The following NCALD variants were observed in gnomAD, a reference collection of about 807,000 sequenced individuals.
NCALD encodes neurocalcin-delta.
A neutral mutation model predicts 18.6 loss-of-function variants in NCALD; 10 were observed. That is an observed-to-expected ratio of 0.54 (90% CI 0.33 to 0.91). NCALD has a LOEUF of 0.91. Among genes scored for constraint, NCALD ranks in the 40% least tolerant of loss-of-function variants. The pLI is 0.03. For missense variants in NCALD, 184 were observed against 247.6 expected, an observed-to-expected ratio of 0.74 and a Z score of 1.72; for synonymous variants, 88 against 87.4, an observed-to-expected ratio of 1.01 and a Z score of -0.04.
chr8:101,777,978 T>C (rs113328753), intron 1 of NCALD, among the ~76,000 whole-genome samples: 4,417 of 152,312 alleles, frequency 0.029, 215 homozygotes, highest in African/African-American at 0.1. Context: ...AATTCAGGTC[T>C]GGAGCCATAG....
At chr8:101,698,035 C>T (rs181935703) in intron 2 of NCALD, among the ~76,000 whole-genome samples, 51 of 152,206 alleles carry the variant, frequency 3.4e-4, no homozygotes, top group Non-Finnish European at 4.4e-5. Context: ...TTTAGAAAAC[C>T]CCATCATCTC....
At chr8:101,979,698 T>C (rs1221641337) in intron 2 of NCALD, among the ~76,000 whole-genome samples, 1 of 152,206 alleles carries the variant, frequency 6.6e-6, no homozygotes, top group Non-Finnish European at 1.5e-5. Context: ...CCTTTCAGAA[T>C]GCTGAAAGAA....
intron 3 of NCALD, among the ~76,000 whole-genome samples, chr8:101,905,894 A>G (rs1291461649): frequency 6.6e-6 from 1 of 152,202 alleles, no homozygotes; most frequent in Non-Finnish European, 1.5e-5. Context: ...GGAGATTCAT[A>G]CAGTTTCTGC....
intron 2 of NCALD, among the ~76,000 whole-genome samples, chr8:101,929,489 GGGAAA>G (rs1203339877): frequency 2.4e-4 from 12 of 50,504 alleles, no homozygotes; most frequent in Non-Finnish European, 2.7e-4. Flanking sequence ...AAGGGAGGGA[GGGAAA>G]GGAAAGGGAA....
intron 2 of NCALD, among the ~76,000 whole-genome samples, chr8:101,980,717 T>C (rs1586863268): frequency 5.3e-5 from 8 of 152,212 alleles, no homozygotes; most frequent in Admixed American, 5.2e-4. Context: ...ACCTGAAGAC[T>C]AAACAAAAGT....
chr8:101,850,346 G>A lies in NCALD; in HGVS notation c.-20+36795C>T, dbSNP rs866081469. ...CTGCTGTATAAACGAACCTAACATA[G>A]AACAAACTGCTTCTTAACAGGTTTT... On this transcript the variant is annotated intron_variant, in intron 4 of 6. Coordinates refer to the NCALD transcript ENST00000311028. Among the ~76,000 whole-genome samples, 4 of 152,202 alleles carry A rather than the reference G, an allele frequency of 2.6e-5. 1 individual carries two copies. Among genetic ancestry groups the A allele is most frequent in the Admixed American group, 1.3e-4 (2 of 15,288 alleles).
At chr8:101,986,314 A>C (rs914125046) in intron 2 of NCALD, 3 of 152,354 alleles carry the variant, frequency 2.0e-5, no homozygotes, top group African/African-American at 7.2e-5. Context: ...TACAGGCGTG[A>C]GCCACCGCGC....
intron 4 of NCALD, among the ~76,000 whole-genome samples, chr8:101,836,101 G>A (rs531988713): frequency 2.0e-5 from 3 of 152,140 alleles, no homozygotes; most frequent in South Asian, 2.1e-4. Context: ...TGGGGTTTGC[G>A]GAGGCCTCTC....
chr8:101,745,705 T>G (rs536235327), intron 1 of NCALD: 7 of 152,354 alleles, frequency 4.6e-5, no homozygotes, highest in Non-Finnish European at 1.0e-4. Context: ...AAGGGCCTCC[T>G]AGTGTGCCAG....
chr8:102,027,549 C>G (rs1260269996), intron 1 of NCALD, among the ~76,000 whole-genome samples: 4 of 152,192 alleles, frequency 2.6e-5, no homozygotes, highest in Admixed American at 6.5e-5. Flanking sequence ...TAGGAAGTTT[C>G]AAACTTCCAT....
chr8:102,075,585 T>C (rs527891029), intron 1 of NCALD, among the ~76,000 whole-genome samples: 24 of 152,342 alleles, frequency 1.6e-4, no homozygotes, highest in African/African-American at 3.6e-4. Flanking sequence ...TGAGGTTCCT[T>C]CTTATTTAAA....
chr8:101,856,105 A>T (rs1344256053), intron 4 of NCALD, among the ~76,000 whole-genome samples: 24 of 152,058 alleles, frequency 1.6e-4, no homozygotes, highest in Admixed American at 1.5e-3. Flanking sequence ...CTAAGCCCCA[A>T]CCCTGGATCA....
chr8:101,719,545 C>A lies in NCALD; in HGVS notation c.85G>T (p.Glu29Ter). Residue 29 changes from glutamate to a stop codon, truncating the protein, a stop_gained, in exon 2 of 4, where the codon GAA (glutamate) becomes TAA (stop). Transcript: ENST00000220931. LOFTEE classifies it high-confidence loss of function. ...TCTCTCAAGAAGCCTTTATACCATT[C>A]CTGGATCTCATGCTCTGTAAAGTCT... ...STDFTEHEIQ[E>*]WYKGFLRDCP... is the part of the protein sequence containing the mutation. 6.2e-7 allele frequency: 1 copy of A among 1,614,216 alleles called. No individual in the cohort carries two copies. Among genetic ancestry groups the A allele is most frequent in the Non-Finnish European group, 8.5e-7 (1 of 1,180,040 alleles).
intron 1 of NCALD, among the ~76,000 whole-genome samples, chr8:101,764,990 A>G (rs1811286931): frequency 6.6e-6 from 1 of 152,204 alleles, no homozygotes; most frequent in Non-Finnish European, 1.5e-5. Flanking sequence ...CGGCAAGATC[A>G]GGCATGTGAA....
intron 1 of NCALD, among the ~76,000 whole-genome samples, chr8:101,752,022 T>C (rs1810681448): frequency 6.6e-6 from 1 of 152,240 alleles, no homozygotes; most frequent in Non-Finnish European, 1.5e-5. Flanking sequence ...CTTAATTCCA[T>C]TACTTCTGCT....
chr8:101,799,908 T>C (rs540085715), intron 4 of NCALD, among the ~76,000 whole-genome samples: 31 of 152,344 alleles, frequency 2.0e-4, no homozygotes, highest in African/African-American at 7.5e-4. Flanking sequence ...TGCAAGATGT[T>C]ACCTTTGGAA....
intron 1 of NCALD, among the ~76,000 whole-genome samples, chr8:102,046,127 G>C (rs1316098603): frequency 6.6e-6 from 1 of 152,166 alleles, no homozygotes; most frequent in Non-Finnish European, 1.5e-5. Flanking sequence ...ATTGTTGGCT[G>C]GATGTGGCCT....
At chr8:102,012,354 G>A (rs1821934139) in intron 2 of NCALD, among the ~76,000 whole-genome samples, 1 of 152,242 alleles carries the variant, frequency 6.6e-6, no homozygotes, top group Non-Finnish European at 1.5e-5. Context: ...AATAGCCACA[G>A]AGCACTGTCA....
At chr8:101,973,941 T>C (rs1411750202) in intron 2 of NCALD, among the ~76,000 whole-genome samples, 1 of 152,220 alleles carries the variant, frequency 6.6e-6, no homozygotes, top group African/African-American at 2.4e-5. Context: ...CAAATGCTTT[T>C]CCTTCTCTAA....
Sources: allele counts gnomAD v4.1 joint callset (sites outside exome capture counted in the v4.1 genomes callset), GRCh38; gene constraint gnomAD v4.1.1; transcripts MANE v1.5; gene names NCBI Gene and HGNC (gene_info 2026-07-23, HGNC 2026-07-21).